Variants in KIF14 observed in about 807,000 individuals in gnomAD.
The protein encoded by KIF14 is kinesin family member 14.
Under a neutral mutation model 176.2 loss-of-function variants are expected in KIF14, and 98 were observed. The observed-to-expected ratio is 0.56, with a 90% CI of 0.47 to 0.66. KIF14 has a LOEUF of 0.66. KIF14 is among the 30% of genes least tolerant of loss of function. KIF14 has a pLI of 0.00. For synonymous variants in KIF14, 566 were observed against 632.2 expected, an observed-to-expected ratio of 0.90 and a Z score of 1.57; for missense variants, 1,751 against 1,920.4, an observed-to-expected ratio of 0.91 and a Z score of 1.65.
At chr1:200,560,679 T>C in intron 26 of KIF14, 43 bp downstream of exon 26, 1 of 1,599,158 alleles carries the variant, frequency 6.3e-7, no homozygotes, top group Non-Finnish European at 8.6e-7. Context: ...AAGTCTAATG[T>C]TCCCTCAGAT....
Position 200,615,597 on chromosome 1 carries a change from T to C in KIF14, c.1125A>G (p.Glu375=). The change falls in exon 3 of 30, where the codon GAA becomes GAG. Residue 375 remains glutamate (E), a synonymous_variant. Transcript: ENST00000367350. The part of the protein sequence containing the change: ...VRPFTKREKI[E]KASQVVFMSG... ...TCATGAAGACTACCTGGGATGCTTT[T>C]TCAATCTTCTCTCTTGAAAGAAGCA... 3 of 1,608,904 alleles carry C rather than the reference T, an allele frequency of 1.9e-6. No homozygotes were observed. The highest frequency in any genetic ancestry group is 2.5e-6 in the Non-Finnish European group (3 of 1,178,126).
At chr1:200,595,953 AG>A (rs1204683574) in intron 14 of KIF14, among the ~76,000 whole-genome samples, 5 of 147,948 alleles carry the variant, frequency 3.4e-5, no homozygotes, top group Non-Finnish European at 4.5e-5. Flanking sequence ...AAAAAAAAAA[AG>A]ATATAAAGAT....
At chr1:200,597,171 G>A (rs867755818) in intron 14 of KIF14, among the ~76,000 whole-genome samples, 3 of 151,916 alleles carry the variant, frequency 2.0e-5, no homozygotes, top group African/African-American at 4.8e-5. Flanking sequence ...AAGCCACCAC[G>A]CCCAGCCAGA....
At chr1:200,612,915 T>A (rs140453267) in intron 4 of KIF14, among the ~76,000 whole-genome samples, 1 of 129,776 alleles carries the variant, frequency 7.7e-6, no homozygotes, top group Non-Finnish European at 1.6e-5. Flanking sequence ...TGAGATGGAG[T>A]CATGCTCTGT....
intron 21 of KIF14, among the ~76,000 whole-genome samples, chr1:200,578,245 T>C (rs537929556): frequency 2.9e-4 from 44 of 152,294 alleles, no homozygotes; most frequent in African/African-American, 1.0e-3. Flanking sequence ...TCATAATGAT[T>C]CCTTTCATTG....
chr1:200,605,834 C>T, intron 7 of KIF14, 30 bp downstream of exon 7: 2 of 1,344,906 alleles, frequency 1.5e-6, no homozygotes, highest in Non-Finnish European at 2.0e-6. Context: ...CTCTTTCTAT[C>T]TAGTGAAAAG....
chr1:200,559,506 T>C, intron 26 of KIF14, 54 bp from the exon 27 acceptor site: 1 of 1,027,556 alleles, frequency 9.7e-7, no homozygotes, highest in Non-Finnish European at 1.3e-6. Flanking sequence ...TGTATTTTAA[T>C]TTATTTAAAT....
At chr1:200,587,765 C>T (rs112191790) in intron 18 of KIF14, among the ~76,000 whole-genome samples, 3 of 152,218 alleles carry the variant, frequency 2.0e-5, no homozygotes, top group Admixed American at 6.5e-5. Context: ...GCCCAGATCA[C>T]GCCACTGCAC....
chr1:200,568,707 C>T (rs2102604516), intron 23 of KIF14, among the ~76,000 whole-genome samples: 1 of 152,282 alleles, frequency 6.6e-6, no homozygotes, highest in African/African-American at 2.4e-5. Context: ...GAGGTAACCA[C>T]TATTCAGTTC....
intron 29 of KIF14, among the ~76,000 whole-genome samples, chr1:200,554,151 G>A (rs992945271): frequency 3.3e-5 from 5 of 152,206 alleles, no homozygotes; most frequent in Non-Finnish European, 5.9e-5. Flanking sequence ...AGCACTTTGG[G>A]AGGCCAAGGT....
chr1:200,576,859 C>G (rs546621275), intron 21 of KIF14, among the ~76,000 whole-genome samples: 3 of 152,160 alleles, frequency 2.0e-5, no homozygotes, highest in African/African-American at 7.2e-5. Flanking sequence ...AACTCCTGGG[C>G]TCAAGTGATC....
In KIF14 at chr1:200,618,833, G is replaced by A. The variant is rs1234942211; in HGVS notation, c.-110C>T. The A allele has an allele frequency of 6.9e-6, 6 of 873,142 alleles. No individual in the cohort carries two copies. Among genetic ancestry groups the A allele is most frequent in the Non-Finnish European group, 1.0e-5 (6 of 581,706 alleles). The allele number at this position is 873,142 out of a possible 1,614,324, so 54.1% of individuals were successfully genotyped here. On this transcript the variant is annotated 5_prime_UTR_variant, in exon 2 of 30. Transcript: ENST00000367350. ...TATGTATCCATTTCTGAAAGTATCT[G>A]CTAAACTAAAAGAAAAAAAAAAGAT...
intron 6 of KIF14, 22 bp downstream of exon 6, chr1:200,606,724 C>T: frequency 1.2e-6 from 2 of 1,602,694 alleles, no homozygotes; most frequent in Non-Finnish European, 1.7e-6. Context: ...TCCTCTTTGC[C>T]CTTGCTGAGC....
At chr1:200,581,127 AAAAAAAG>A in intron 20 of KIF14, 67 bp downstream of exon 20, 1 of 741,002 alleles carries the variant, frequency 1.3e-6, no homozygotes, top group Non-Finnish European at 2.1e-6. Flanking sequence ...AAAAAAAAAA[AAAAAAAG>A]AGAAACTAAA....
intron 5 of KIF14, among the ~76,000 whole-genome samples, chr1:200,607,654 T>C (rs1441680214): frequency 6.6e-6 from 1 of 152,204 alleles, no homozygotes; most frequent in African/African-American, 2.4e-5. Context: ...AGTTTCTTGA[T>C]GTTGCCAATA....
chr1:200,553,727 T>C lies in KIF14; in HGVS notation c.4608A>G (p.Glu1536=), dbSNP rs139376873. 1.9e-6 allele frequency: 3 copies of C among 1,610,306 alleles called. No individual in the cohort carries two copies. Among genetic ancestry groups the C allele is most frequent in the Non-Finnish European group, 2.5e-6 (3 of 1,177,170 alleles). Residue 1536 remains glutamate, a synonymous_variant, in exon 30 of 30, where the codon GAA becomes GAG. Coordinates refer to ENST00000367350, the MANE Select transcript of KIF14 (RefSeq NM_014875.3). Reference sequence around the variant, plus strand: ...AATCACTGGCCAAGTTGCGAATACTTTCAACACAAGTCTGGAGAAGATTTA... The same window carrying C: ...AATCACTGGCCAAGTTGCGAATACTCTCAACACAAGTCTGGAGAAGATTTA... ...SDINLLQTCV[E]SIRNLASDFY... is the part of the protein sequence containing the mutation.
chr1:200,618,845 GAA>G lies in KIF14; in HGVS notation c.-115-9_-115-8del. 1.5e-6 allele frequency: 1 copy of G among 649,026 alleles called. No individual in the cohort carries two copies. The allele number at this position is 649,026 out of a possible 1,614,324, so 40.2% of individuals were successfully genotyped here. On this transcript the variant is annotated splice_polypyrimidine_tract_variant and splice_region_variant and intron_variant, in intron 1 of 29. Transcript: ENST00000367350. ...TCTGAAAGTATCTGCTAAACTAAAA[GAA>G]AAAAAAAAGATTTAGATCACACAGA...
At chr1:200,594,509 C>T (rs575710179) in intron 14 of KIF14, among the ~76,000 whole-genome samples, 1 of 150,612 alleles carries the variant, frequency 6.6e-6, no homozygotes, top group East Asian at 1.9e-4. Context: ...ACAGAAAGAA[C>T]AAATATTTCT....
At chr1:200,568,169 C>T (rs1024835295) in intron 23 of KIF14, among the ~76,000 whole-genome samples, 8 of 152,166 alleles carry the variant, frequency 5.3e-5, no homozygotes, top group Non-Finnish European at 1.0e-4. Flanking sequence ...GCTGCCCAGA[C>T]GGGGTCCTAC....
Sources: allele counts gnomAD v4.1 joint callset (sites outside exome capture counted in the v4.1 genomes callset), GRCh38; gene constraint gnomAD v4.1.1; transcripts MANE v1.5; gene names NCBI Gene and HGNC (gene_info 2026-07-23, HGNC 2026-07-21).